The following OTUD7B variants were observed in gnomAD, a reference collection of about 807,000 sequenced individuals.
OTUD7B encodes OTU deubiquitinase 7B.
OTUD7B carries 34 observed loss-of-function variants against 82.2 expected under a neutral mutation model. The ratio of observed to expected loss-of-function variants is 0.41; its 90% CI spans 0.31 to 0.55. OTUD7B has a LOEUF of 0.55. OTUD7B is among the 20% of genes least tolerant of loss of function. OTUD7B has a pLI of 0.20. For synonymous variants in OTUD7B, 398 were observed against 402.7 expected, an observed-to-expected ratio of 0.99 and a Z score of 0.14; for missense variants, 944 against 1,062.1, an observed-to-expected ratio of 0.89 and a Z score of 1.55.
At chr1:149,993,413 A>C (rs1651729517) in intron 1 of OTUD7B, among the ~76,000 whole-genome samples, 1 of 152,200 alleles carries the variant, frequency 6.6e-6, no homozygotes, top group Non-Finnish European at 1.5e-5. Context: ...CTGCTTTCTA[A>C]AAGTTCATCT....
chr1:150,024,217 C>T, the OTUD7B span, among the ~76,000 whole-genome samples: 2 of 152,176 alleles, frequency 1.3e-5, no homozygotes, highest in African/African-American at 4.8e-5. Flanking sequence ...TGTTTTAGAT[C>T]ACCAACTCTT....
the OTUD7B span, among the ~76,000 whole-genome samples, chr1:150,061,015 G>A: frequency 2.0e-5 from 3 of 151,100 alleles, no homozygotes; most frequent in East Asian, 1.9e-4. Flanking sequence ...CAAGCTCATC[G>A]CACCCGGCTG....
rs1553772709 is a variant in OTUD7B at position 149,948,964 on chromosome 1, C to A, written c.1238+5G>T. Reference sequence around the variant, plus strand: ...AAATAGATGAAAAGACTAGGCCTGGCTTACCTGGCCAATCGGACATTGTCA... The same window carrying A: ...AAATAGATGAAAAGACTAGGCCTGGATTACCTGGCCAATCGGACATTGTCA... On this transcript the variant is annotated splice_donor_5th_base_variant and intron_variant, in intron 10 of 11. Transcript: ENST00000581312. 2 of 1,578,850 alleles carry A rather than the reference C, an allele frequency of 1.3e-6. No individual in the cohort carries two copies.
At chr1:149,986,180 A>C (rs1651121658) in intron 1 of OTUD7B, among the ~76,000 whole-genome samples, 3 of 151,894 alleles carry the variant, frequency 2.0e-5, no homozygotes, top group Admixed American at 2.0e-4. Flanking sequence ...CCCAGCATCC[A>C]AGCACAGCAG....
chr1:150,022,340 G>A, the OTUD7B span, among the ~76,000 whole-genome samples: 1 of 149,424 alleles, frequency 6.7e-6, no homozygotes, highest in African/African-American at 2.5e-5. Flanking sequence ...AGAGGTTGTG[G>A]TGAGCCAAGA....
chr1:149,992,485 T>TTTG, intron 1 of OTUD7B, among the ~76,000 whole-genome samples: 2 of 1,494 alleles, frequency 1.3e-3, no homozygotes, highest in Non-Finnish European at 0.062. Context: ...TTTTTTTTTT[T>TTTG]TTTTTTTTAG....
chr1:150,057,158 G>A, the OTUD7B span, among the ~76,000 whole-genome samples: 3 of 152,042 alleles, frequency 2.0e-5, no homozygotes, highest in African/African-American at 7.2e-5. Flanking sequence ...ATCTAATAAT[G>A]AGAAAACATT....
the OTUD7B span, among the ~76,000 whole-genome samples, chr1:150,028,651 CTA>C: frequency 2.6e-3 from 403 of 152,228 alleles, 3 homozygotes; most frequent in African/African-American, 9.4e-3. Flanking sequence ...CTTTCTGTCT[CTA>C]TATTTTTTAT....
the OTUD7B span, among the ~76,000 whole-genome samples, chr1:150,016,389 G>A: frequency 1.3e-5 from 2 of 149,970 alleles, no homozygotes; most frequent in African/African-American, 2.5e-5. Context: ...TTAACAACCG[G>A]TTCTCCAGGG....
chr1:150,022,878 T>TAAAGAG, the OTUD7B span, among the ~76,000 whole-genome samples: 1 of 152,242 alleles, frequency 6.6e-6, no homozygotes, highest in Non-Finnish European at 1.5e-5. Context: ...GGAGTCTCTT[T>TAAAGAG]ACCCAGCAGC....
intron 1 of OTUD7B, among the ~76,000 whole-genome samples, chr1:149,994,379 G>A (rs1553782893): frequency 1.3e-5 from 2 of 151,780 alleles, no homozygotes; most frequent in Non-Finnish European, 2.9e-5. Flanking sequence ...TCAAGAGATC[G>A]AGACCATCCT....
intron 7 of OTUD7B, among the ~76,000 whole-genome samples, chr1:149,952,895 G>C (rs1357671670): frequency 1.3e-5 from 2 of 152,028 alleles, no homozygotes; most frequent in Non-Finnish European, 2.9e-5. Flanking sequence ...TTTTGATGGG[G>C]TTGATTTTTT....
chr1:150,018,070 T>C, the OTUD7B span, among the ~76,000 whole-genome samples: 1 of 152,342 alleles, frequency 6.6e-6, no homozygotes, highest in Non-Finnish European at 1.5e-5. Flanking sequence ...ATGGAAGTCA[T>C]TATTTTCAGT....
the OTUD7B span, among the ~76,000 whole-genome samples, chr1:150,061,993 G>A: frequency 6.6e-6 from 1 of 152,112 alleles, no homozygotes; most frequent in African/African-American, 2.4e-5. Flanking sequence ...TCATGCAGCT[G>A]CCCAGAACCA....
At position 149,959,677 on chromosome 1, in the gene OTUD7B, T is replaced by A. The variant is rs782590096; in HGVS notation, c.845+7A>T. On this transcript the variant is annotated splice_region_variant and intron_variant, in intron 7 of 11. Transcript: ENST00000581312. The stretch of plus-strand genomic sequence containing the variant: ...GGTTTCCTCCTCCCCTACTTAGCCA[T>A]ACTTACCCACCACAGTTGGCTCCAT... 6.3e-7 allele frequency: 1 copy of A among 1,585,938 alleles called. No homozygotes were observed. The highest frequency in any genetic ancestry group is 1.7e-5 in the Admixed American group (1 of 59,984).
At chr1:150,063,473 G>C in the OTUD7B span, among the ~76,000 whole-genome samples, 14 of 152,250 alleles carry the variant, frequency 9.2e-5, no homozygotes, top group South Asian at 2.9e-3. Flanking sequence ...AATGTTTCTT[G>C]CTGTGGAGTG....
At chr1:150,054,536 G>T in the OTUD7B span, 1 of 456,236 alleles carries the variant, frequency 2.2e-6, no homozygotes, top group Non-Finnish European at 4.3e-6. Context: ...GGCAGGGCAT[G>T]GTGACTCATG....
the OTUD7B span, among the ~76,000 whole-genome samples, chr1:150,062,876 G>C: frequency 6.6e-6 from 1 of 151,218 alleles, no homozygotes; most frequent in Non-Finnish European, 1.5e-5. Flanking sequence ...CACCACGCCC[G>C]GCTAATTGTG....
At chr1:150,037,586 CT>C in the OTUD7B span, among the ~76,000 whole-genome samples, 1 of 151,940 alleles carries the variant, frequency 6.6e-6, no homozygotes, top group Non-Finnish European at 1.5e-5. Context: ...AAGTTTGTAT[CT>C]ACTTTTCTTT....
Sources: gnomAD v4.1 joint callset for allele counts (sites outside exome capture counted in the v4.1 genomes callset) on GRCh38, gnomAD v4.1.1 for gene constraint, MANE v1.5 for transcripts, NCBI Gene and HGNC (gene_info 2026-07-23, HGNC 2026-07-21) for gene names.